DOCK10: variants seen among roughly 807,000 people sequenced by gnomAD.
The protein encoded by DOCK10 is dedicator of cytokinesis protein 10.
A neutral mutation model predicts 280.1 loss-of-function variants in DOCK10; 145 were observed. That is an observed-to-expected ratio of 0.52 (90% CI 0.45 to 0.59). The LOEUF is 0.59. DOCK10 is among the 20% of genes least tolerant of loss of function. The pLI is 0.00. For missense variants in DOCK10, 2,368 were observed against 2,651.7 expected, an observed-to-expected ratio of 0.89 and a Z score of 2.35; for synonymous variants, 915 against 942.2, an observed-to-expected ratio of 0.97 and a Z score of 0.53.
At position 224,893,000 on chromosome 2, in the gene DOCK10, C is replaced by T. The variant is rs568224772; in HGVS notation, c.416+3295G>A. ...GGACCATTGCGTGGTCTCTAAGAGC[C>T]TCGGGGATACCAAGATAAAGGGCTC... On this transcript the variant is annotated intron_variant, in intron 4 of 55. Coordinates refer to ENST00000258390, the MANE Select transcript of DOCK10 (RefSeq NM_014689.3). Among the ~76,000 whole-genome samples, 6 of 152,284 alleles carry T rather than the reference C, an allele frequency of 3.9e-5. No homozygotes were observed. The East Asian group carries it at 9.6e-4, about 24-fold the overall frequency.
At chr2:224,797,290 A>T in intron 42 of DOCK10, 144 bp from the exon 43 acceptor site, 1 of 614,228 alleles carries the variant, frequency 1.6e-6, no homozygotes, top group Non-Finnish European at 2.7e-6. Flanking sequence ...TTTGCAAGTG[A>T]GGAGGATAGA....
chr2:225,003,287 A>C (rs1355571510), intron 1 of DOCK10, among the ~76,000 whole-genome samples: 1 of 152,136 alleles, frequency 6.6e-6, no homozygotes, highest in Non-Finnish European at 1.5e-5. Context: ...TCAAGTATGC[A>C]TCTGCCTCGG....
chr2:224,969,711 A>G (rs1018199124), intron 1 of DOCK10, among the ~76,000 whole-genome samples: 1 of 152,240 alleles, frequency 6.6e-6, no homozygotes, highest in African/African-American at 2.4e-5. Flanking sequence ...TTTCAACAGC[A>G]TGGGCAAAAA....
At chr2:224,926,077 A>G (rs1200856677) in intron 2 of DOCK10, among the ~76,000 whole-genome samples, 1 of 152,214 alleles carries the variant, frequency 6.6e-6, no homozygotes. Context: ...GAAGCAGTAC[A>G]AGTTTTTGCA....
At chr2:225,041,797 C>T (rs1413271240) in intron 1 of DOCK10, among the ~76,000 whole-genome samples, 1 of 152,140 alleles carries the variant, frequency 6.6e-6, no homozygotes, top group East Asian at 1.9e-4. Context: ...GACTGCATCC[C>T]TCTCTCTCAG....
chr2:224,843,087 A>AGGGGAGTGCAATTACTCCCCATATTGC, intron 22 of DOCK10, among the ~76,000 whole-genome samples: 1 of 152,088 alleles, frequency 6.6e-6, no homozygotes. Flanking sequence ...TGGCGGGGAA[A>AGGGGAGTGCAATTACTCCCCATATTGC]GGGGAGTGCA....
chr2:224,856,317 G>A (rs1266930238), intron 15 of DOCK10, among the ~76,000 whole-genome samples: 1 of 151,926 alleles, frequency 6.6e-6, no homozygotes, highest in Non-Finnish European at 1.5e-5. Context: ...GTTTATAACA[G>A]ATCACCCCAG....
At position 224,806,188 on chromosome 2, in the gene DOCK10, G is replaced by A. The variant is rs1342823541; in HGVS notation, c.3752C>T (p.Ala1251Val). The change falls in exon 34 of 56, where the codon GCT (alanine) becomes GTT (valine). Residue 1251 changes from alanine to valine, a missense_variant. By Grantham distance (64) the Ala-to-Val change is moderately conservative. Around this residue, in one of 2 missense-constraint regions of DOCK10, gnomAD observed 1,159 missense variants for 1,400.8 expected, o/e 0.83. Transcript: ENST00000258390. ...ATCCACAGAGTTTGCATGTTTGATAGCTGTCTGGCTTTGAAATCCTCCATT... is the reference window on the plus strand; with the variant it reads ...ATCCACAGAGTTTGCATGTTTGATAACTGTCTGGCTTTGAAATCCTCCATT... ...STNGGFQSQT[A>V]IKHANSVDTS... The A allele has an allele frequency of 6.2e-7, 1 of 1,611,144 alleles. No homozygotes were observed. The highest frequency in any genetic ancestry group is 2.2e-5 in the East Asian group (1 of 44,794).
intron 3 of DOCK10, among the ~76,000 whole-genome samples, chr2:224,908,808 T>G (rs1700832597): frequency 6.6e-6 from 1 of 152,194 alleles, no homozygotes; most frequent in Admixed American, 6.5e-5. Flanking sequence ...GCTTCTGTTC[T>G]TTCAATGTTA....
At chr2:225,011,811 T>C (rs1689446865) in intron 1 of DOCK10, among the ~76,000 whole-genome samples, 1 of 152,064 alleles carries the variant, frequency 6.6e-6, no homozygotes, top group African/African-American at 2.4e-5. Context: ...GCAAGAACGG[T>C]CTAGCTGCCC....
chr2:224,849,322 T>C (rs186939470), intron 19 of DOCK10, among the ~76,000 whole-genome samples, 185 bp downstream of exon 19: 1 of 152,320 alleles, frequency 6.6e-6, no homozygotes, highest in Admixed American at 6.5e-5. Flanking sequence ...AATACATGAA[T>C]TTGCAACGTA....
chr2:224,852,319 A>AGAATCCCTGCACCTGGG, intron 18 of DOCK10, 58 bp downstream of exon 18: 1 of 1,352,272 alleles, frequency 7.4e-7, no homozygotes, highest in Non-Finnish European at 1.0e-6. Flanking sequence ...AATGGTGGAA[A>AGAATCCCTGCACCTGGG]GAATCCCTGC....
chr2:224,895,187 C>T (rs1361286777), intron 4 of DOCK10, among the ~76,000 whole-genome samples: 1 of 152,232 alleles, frequency 6.6e-6, no homozygotes, highest in Non-Finnish European at 1.5e-5. Flanking sequence ...CATAATCCCT[C>T]TTTCAAATTC....
intron 1 of DOCK10, among the ~76,000 whole-genome samples, chr2:224,935,029 A>C (rs1702608462): frequency 6.6e-6 from 1 of 152,126 alleles, no homozygotes; most frequent in African/African-American, 2.4e-5. Flanking sequence ...TAGTTCCCCA[A>C]ATCCACAGCT....
At chr2:225,010,793 G>A (rs910202181) in intron 1 of DOCK10, among the ~76,000 whole-genome samples, 1 of 151,490 alleles carries the variant, frequency 6.6e-6, no homozygotes, top group Admixed American at 6.6e-5. Flanking sequence ...TGCAGAATGA[G>A]AAACAAGATA....
At chr2:224,818,890 C>T (rs987207192) in intron 29 of DOCK10, among the ~76,000 whole-genome samples, 1 of 152,136 alleles carries the variant, frequency 6.6e-6, no homozygotes, top group African/African-American at 2.4e-5. Flanking sequence ...CAGCATATGC[C>T]ATAACCATAG....
chr2:224,801,758 AT>A (rs970795187), intron 40 of DOCK10, among the ~76,000 whole-genome samples, 157 bp downstream of exon 40: 21 of 151,064 alleles, frequency 1.4e-4, no homozygotes, highest in South Asian at 4.2e-4. Context: ...AGGGCACTAC[AT>A]TTTTTTTTAA....
chr2:224,874,239 A>G, intron 10 of DOCK10, 27 bp downstream of exon 10: 1 of 1,607,160 alleles, frequency 6.2e-7, no homozygotes, highest in Non-Finnish European at 8.5e-7. Context: ...TCAAGTTCAT[A>G]TCTGCTTAGA....
rs372066560 is a variant in DOCK10, at chr2:224,793,441, A to T, written c.5171T>A (p.Ile1724Asn). The T allele has an allele frequency of 1.5e-5, 25 of 1,613,340 alleles. No homozygotes were observed. The Admixed American group carries it at 4.0e-4, about 26-fold the overall frequency. ...GDLSEAAMCY[I>N]HIAALIAEYL... Reference sequence around the variant, plus strand: ...CTCTGCAATGAGAGCAGCAATATGGATGTAACACATGGCAGCCTGTAATGA... The same window carrying T: ...CTCTGCAATGAGAGCAGCAATATGGTTGTAACACATGGCAGCCTGTAATGA... The change falls in exon 46 of 56, where the codon ATC (isoleucine) becomes AAC (asparagine). Residue 1724 changes from isoleucine (I) to asparagine (N), a missense_variant. Ile to Asn is a moderately radical substitution (Grantham distance 149). Transcript: ENST00000258390.
Sources: gnomAD v4.1 joint callset for allele counts (sites outside exome capture counted in the v4.1 genomes callset) on GRCh38, gnomAD v4.1.1 for gene constraint, gnomAD v4.1.1 regional missense constraint, MANE v1.5 for transcripts, NCBI Gene and HGNC (gene_info 2026-07-23, HGNC 2026-07-21) for gene names.